Variants in METTL15 observed in about 807,000 individuals in gnomAD.
METTL15 encodes the protein methyltransferase 15, mitochondrial 12S rRNA N4-cytidine, also known as 12S rRNA N(4)-cytidine methyltransferase METTL15.
A neutral mutation model predicts 38.3 loss-of-function variants in METTL15; 34 were observed. That is an observed-to-expected ratio of 0.89 (90% CI 0.68 to 1.18). The LOEUF (loss-of-function observed/expected upper bound fraction) is 1.18. Ranked by LOEUF, METTL15 falls within the 50% of genes most tolerant of loss-of-function variation. The pLI, the probability that METTL15 is intolerant of heterozygous loss-of-function variation, is 0.00. For missense variants in METTL15, 438 were observed against 498.4 expected, an observed-to-expected ratio of 0.88 and a Z score of 1.15; for synonymous variants, 162 against 170.9, an observed-to-expected ratio of 0.95 and a Z score of 0.41.
At chr11:28,528,284 G>A (rs1851825264), downstream of METTL15, among the ~76,000 whole-genome samples, 1 of 152,096 alleles carries the variant, frequency 6.6e-6, no homozygotes, top group Non-Finnish European at 1.5e-5. Context: ...ACTTCAAAAA[G>A]GGACTATCTA....
rs544156294 is a variant in METTL15, at chr11:28,284,193, T to C, written c.408-6013T>C. Among the ~76,000 whole-genome samples the C allele has an allele frequency of 6.6e-5, 10 of 152,298 alleles. No individual in the cohort carries two copies. The East Asian group carries it at 1.9e-3, about 29-fold the overall frequency. ...TGTCTTAAACACATTTATTTTGTGG[T>C]GGTGCATCATTTTTTTATATACTTT... On this transcript the variant is annotated intron_variant, in intron 4 of 6. Transcript: ENST00000407364.
intron 4 of METTL15, among the ~76,000 whole-genome samples, chr11:28,353,761 T>C (rs1184873965): frequency 6.6e-6 from 1 of 150,866 alleles, no homozygotes; most frequent in African/African-American, 2.4e-5. Context: ...CCGTCTCTAC[T>C]AAAAATACAA....
chr11:28,509,803 G>A (rs1442199748), intron 6 of METTL15, among the ~76,000 whole-genome samples: 1 of 152,082 alleles, frequency 6.6e-6, no homozygotes, highest in Admixed American at 6.5e-5. Context: ...TGTGTTATGG[G>A]GAGCTCATTG....
chr11:28,343,748 CATTTATTATT>C (rs1236149557), intron 3 of METTL15, among the ~76,000 whole-genome samples: 1 of 152,100 alleles, frequency 6.6e-6, no homozygotes, highest in Non-Finnish European at 1.5e-5. Context: ...AGGCAACAAC[CATTTATTATT>C]TTACTCAACA....
At chr11:28,366,026 G>T (rs1407177314) in intron 5 of METTL15, among the ~76,000 whole-genome samples, 1 of 152,042 alleles carries the variant, frequency 6.6e-6, no homozygotes, top group East Asian at 1.9e-4. Flanking sequence ...CCCCAGCCTG[G>T]GTGACAAAGT....
intron 3 of METTL15, among the ~76,000 whole-genome samples, chr11:28,143,074 TGTC>T (rs1482220760): frequency 6.6e-6 from 1 of 152,076 alleles, no homozygotes; most frequent in Non-Finnish European, 1.5e-5. Context: ...TGTGTGGCCT[TGTC>T]GTAGGATGAA....
Position 28,226,239 on chromosome 11 carries a change from C to T in METTL15, c.407+15041C>T, listed in dbSNP as rs1398903562. ...TTAACCTTTTTCCTAACTCACTCCA[C>T]TGCCTTGAATCAGGGTTCAGATTTA... On this transcript the variant is annotated intron_variant, in intron 4 of 6. Transcript: ENST00000407364. Among the ~76,000 whole-genome samples, 4 of 151,900 alleles carry T rather than the reference C, an allele frequency of 2.6e-5. No individual in the cohort carries two copies. In the South Asian group the frequency reaches 6.2e-4, roughly 24 times the overall value.
intron 4 of METTL15, among the ~76,000 whole-genome samples, chr11:28,215,878 ATGG>A (rs2133850373): frequency 6.6e-6 from 1 of 152,158 alleles, no homozygotes; most frequent in Admixed American, 6.5e-5. Flanking sequence ...TTACAGAGAA[ATGG>A]TGGTGTGCAC....
chr11:28,476,169 C>T (rs747778925), intron 6 of METTL15, among the ~76,000 whole-genome samples: 7 of 152,194 alleles, frequency 4.6e-5, no homozygotes, highest in Non-Finnish European at 7.3e-5. Context: ...ATATTCCTGG[C>T]TTGCAGTCTC....
chr11:28,335,930 A>C (rs1188228700), downstream of METTL15, among the ~76,000 whole-genome samples: 2 of 152,192 alleles, frequency 1.3e-5, no homozygotes, highest in Non-Finnish European at 2.9e-5. Context: ...TGAGACATGC[A>C]TGTAAAGCAG....
intron 6 of METTL15, among the ~76,000 whole-genome samples, chr11:28,457,154 A>G (rs537565984): frequency 2.8e-4 from 43 of 152,330 alleles, no homozygotes; most frequent in African/African-American, 8.2e-4. Context: ...TCTAAGTTGT[A>G]AGAAGACTGC....
At chr11:28,171,738 A>T (rs993955506) in intron 3 of METTL15, among the ~76,000 whole-genome samples, 16 of 151,866 alleles carry the variant, frequency 1.1e-4, no homozygotes, top group African/African-American at 2.4e-4. Flanking sequence ...ATATATTTTT[A>T]AAAATTTTCA....
At chr11:28,395,047 T>A (rs1415782205) in intron 5 of METTL15, among the ~76,000 whole-genome samples, 3 of 152,092 alleles carry the variant, frequency 2.0e-5, no homozygotes, top group Non-Finnish European at 4.4e-5. Flanking sequence ...ACAATAAAAA[T>A]TAATGAAATC....
chr11:28,303,571 G>C (rs992836841), intron 6 of METTL15, among the ~76,000 whole-genome samples: 1 of 152,118 alleles, frequency 6.6e-6, no homozygotes, highest in African/African-American at 2.4e-5. Flanking sequence ...AGATATTTGT[G>C]ATTCATGTTG....
chr11:28,455,492 T>G (rs902379793), intron 6 of METTL15, among the ~76,000 whole-genome samples: 3 of 152,164 alleles, frequency 2.0e-5, no homozygotes, highest in African/African-American at 7.2e-5. Context: ...TTTAGCTGAT[T>G]TTTAAAAATT....
chr11:28,126,874 A>G (rs574747633), intron 3 of METTL15, among the ~76,000 whole-genome samples: 1 of 152,240 alleles, frequency 6.6e-6, no homozygotes, highest in African/African-American at 2.4e-5. Context: ...TAGATCTCCG[A>G]ACAGGAGGAT....
chr11:28,148,325 T>TA (rs1481202390), intron 3 of METTL15, among the ~76,000 whole-genome samples: 1 of 151,894 alleles, frequency 6.6e-6, no homozygotes, highest in Non-Finnish European at 1.5e-5. Context: ...ATTTCCATGT[T>TA]ACGCTGATTG....
chr11:28,166,897 CA>C (rs1466451971), intron 3 of METTL15, among the ~76,000 whole-genome samples: 3 of 152,130 alleles, frequency 2.0e-5, no homozygotes, highest in African/African-American at 4.8e-5. Context: ...TGCATTGAGT[CA>C]AGATCGTGCC....
intron 4 of METTL15, among the ~76,000 whole-genome samples, chr11:28,229,037 T>G (rs537063004): frequency 6.6e-6 from 1 of 152,068 alleles, no homozygotes; most frequent in African/African-American, 2.4e-5. Flanking sequence ...AATCTTTCTA[T>G]GTCTGTATTT....
Sources: allele counts gnomAD v4.1 joint callset (sites outside exome capture counted in the v4.1 genomes callset), GRCh38; gene constraint gnomAD v4.1.1; transcripts MANE v1.5; gene names NCBI Gene and HGNC (gene_info 2026-07-23, HGNC 2026-07-21).